ARHGAP9: variants seen among roughly 807,000 people sequenced by gnomAD.
ARHGAP9 encodes the protein rho GTPase-activating protein 9.
ARHGAP9 carries 76 observed loss-of-function variants against 87.3 expected under a neutral mutation model. The ratio of observed to expected loss-of-function variants is 0.87; its 90% CI spans 0.72 to 1.05. ARHGAP9 has a LOEUF of 1.05. Ranked by LOEUF, ARHGAP9 falls within the 50% of genes least tolerant of loss-of-function variation. The probability of loss-of-function intolerance (pLI) is 0.00; values close to 1 mark genes in which losing one functional copy is unlikely to be tolerated. For missense variants in ARHGAP9, 941 were observed against 960.5 expected, an observed-to-expected ratio of 0.98 and a Z score of 0.27; for synonymous variants, 382 against 394.9, an observed-to-expected ratio of 0.97 and a Z score of 0.39.
upstream of ARHGAP9, chr12:57,479,914 A>G (rs1874844206): frequency 3.5e-6 from 5 of 1,442,674 alleles, no homozygotes; most frequent in South Asian, 4.5e-5. Context: ...GCAAGCATCA[A>G]TGTTTCCGTT....
Position 57,477,671 on chromosome 12 carries a change from G to T in ARHGAP9, c.544C>A (p.Gln182Lys), listed in dbSNP as rs745728839. Residue 182 changes from glutamine to lysine, a missense_variant, in exon 4 of 18, where the codon CAG becomes AAG. Physicochemically the swap from Gln to Lys is moderately conservative, Grantham distance 53 (BLOSUM62 1). Transcript: ENST00000393791. ...SEASASTAGP[Q>K]PLMSEPPVYC... ...ACAGGGGGCTCTGACATGAGGGGCTGGGGGCCTGCCTGCCAGAAAAGGGGG... is the reference window on the plus strand; with the variant it reads ...ACAGGGGGCTCTGACATGAGGGGCTTGGGGCCTGCCTGCCAGAAAAGGGGG... 4.3e-6 allele frequency: 7 copies of T among 1,610,478 alleles called. No individual in the cohort carries two copies. In the South Asian group the frequency reaches 6.6e-5, roughly 15 times the overall value.
chr12:57,485,826 AG>A (rs1875355389), intron 1 of ARHGAP9, among the ~76,000 whole-genome samples: 3 of 152,148 alleles, frequency 2.0e-5, no homozygotes, highest in Admixed American at 2.0e-4. Flanking sequence ...GACCCTACCA[AG>A]GGTTACTTAA....
In ARHGAP9 at chr12:57,477,264, A is replaced by G. The variant is rs1565623360; in HGVS notation, c.762T>C (p.Pro254=). 8.3e-6 allele frequency: 13 copies of G among 1,567,534 alleles called. No individual in the cohort carries two copies. The highest frequency in any genetic ancestry group is 1.1e-5 in the Non-Finnish European group (13 of 1,156,902). The part of the protein sequence containing the change: ...PPRRSRSETN[P]GSMEGTQTLK... ...GGGTCTGTGTCCCCTCCATGGAGCCAGGGTTCTGGGTTAGGGGAGGAGGAA... is the reference window on the plus strand; with the variant it reads ...GGGTCTGTGTCCCCTCCATGGAGCCGGGGTTCTGGGTTAGGGGAGGAGGAA... Residue 254 remains proline, a synonymous_variant, in exon 5 of 18, where the codon CCT becomes CCC. Transcript: ENST00000393791.
intron 12 of ARHGAP9, 55 bp downstream of exon 12, chr12:57,475,236 T>C: frequency 6.6e-7 from 1 of 1,505,954 alleles, no homozygotes; most frequent in Non-Finnish European, 9.0e-7. Flanking sequence ...TGGGAAGCTC[T>C]ACTCTGAGCC....
chr12:57,486,456 GA>G (rs1002213358), intron 1 of ARHGAP9, among the ~76,000 whole-genome samples: 53 of 151,866 alleles, frequency 3.5e-4, no homozygotes, highest in African/African-American at 1.1e-3. Context: ...TTTCACTAAA[GA>G]AGGGGTTTCA....
upstream of ARHGAP9, among the ~76,000 whole-genome samples, chr12:57,484,273 AC>A (rs1374130223): frequency 2.0e-5 from 3 of 148,482 alleles, no homozygotes; most frequent in Non-Finnish European, 4.5e-5. Flanking sequence ...AATCGCTTGA[AC>A]CCGGGAGGTG....
upstream of ARHGAP9, among the ~76,000 whole-genome samples, chr12:57,482,246 T>A (rs1875068927): frequency 7.0e-6 from 1 of 143,034 alleles, no homozygotes; most frequent in Admixed American, 6.9e-5. Context: ...CAAAAAAAAT[T>A]TTTTTTTTTT....
intron 1 of ARHGAP9, chr12:57,487,965 T>G (rs1875560927): frequency 1.2e-5 from 9 of 748,980 alleles, no homozygotes; most frequent in South Asian, 9.5e-5. Flanking sequence ...ATAGTCTACT[T>G]TCCGGTAGCG....
upstream of ARHGAP9, among the ~76,000 whole-genome samples, chr12:57,481,396 G>A (rs914998614): frequency 3.9e-5 from 6 of 151,902 alleles, no homozygotes; most frequent in Non-Finnish European, 7.4e-5. Flanking sequence ...GATTAGAGGC[G>A]CCTGCCACTA....
upstream of ARHGAP9, among the ~76,000 whole-genome samples, chr12:57,483,648 T>G (rs534192603): frequency 3.3e-5 from 5 of 152,302 alleles, no homozygotes; most frequent in South Asian, 1.0e-3. Context: ...ATATGTTGTT[T>G]CCTTTGCCTG....
chr12:57,487,004 T>C (rs1208943692), intron 1 of ARHGAP9, among the ~76,000 whole-genome samples: 1 of 151,158 alleles, frequency 6.6e-6, no homozygotes, highest in Non-Finnish European at 1.5e-5. Context: ...CGAGACGGAG[T>C]TTCCTCTTGT....
In ARHGAP9 at chr12:57,475,386, T is replaced by G. The variant is rs148784244; in HGVS notation, c.1457A>C (p.Glu486Ala). 6.0e-5 allele frequency: 96 copies of G among 1,595,744 alleles called. No individual in the cohort carries two copies. The highest frequency in any genetic ancestry group is 1.8e-4 in the Middle Eastern group (1 of 5,674). ...SSRRSSIRGP[E>A]GTEQNRVRNK... ...GCGCACGCGGTTCTGCTCGGTGCCTTCGGGCCCCCGAACTGCAGGAGGCAG... is the reference window on the plus strand; with the variant it reads ...GCGCACGCGGTTCTGCTCGGTGCCTGCGGGCCCCCGAACTGCAGGAGGCAG... Residue 486 changes from glutamate (E) to alanine (A), a missense_variant, in exon 12 of 18, where the codon GAA (glutamate) becomes GCA (alanine). By Grantham distance (107) the Glu-to-Ala change is moderately radical (BLOSUM62 -1). Transcript: ENST00000393791.
chr12:57,484,595 T>C (rs1249268884), upstream of ARHGAP9, among the ~76,000 whole-genome samples: 1 of 152,178 alleles, frequency 6.6e-6, no homozygotes, highest in Non-Finnish European at 1.5e-5. Context: ...GTCATAACTT[T>C]ATGCCTCAGT....
intron 17 of ARHGAP9, 113 bp from the exon 18 acceptor site, chr12:57,472,801 A>T: frequency 1.7e-6 from 2 of 1,148,798 alleles, no homozygotes; most frequent in Non-Finnish European, 2.5e-6. Flanking sequence ...GGATTCCTCC[A>T]CATGGTAACA....
At chr12:57,476,815 AG>A (rs1555161175) in intron 6 of ARHGAP9, 55 bp downstream of exon 6, 5 of 866,474 alleles carry the variant, frequency 5.8e-6, no homozygotes, top group Non-Finnish European at 8.4e-6. Flanking sequence ...GAGCAGGAAA[AG>A]GGGGGAGGGG....
rs368157359 is a variant in ARHGAP9, at chr12:57,477,493, G to A, written c.722C>T (p.Ser241Phe). The A allele has an allele frequency of 1.5e-5, 25 of 1,613,982 alleles. No individual in the cohort carries two copies. The highest frequency in any genetic ancestry group is 2.1e-5 in the Non-Finnish European group (25 of 1,180,020). Reference protein sequence around the residue: ...FYINSLTGCKSWKPPRRSRSE... With the variant: ...FYINSLTGCKFWKPPRRSRSE... ...GCGACTGCGGCGCGGGGGCTTCCAG[G>A]ACTTGCAGCCAGTCAGTGAATTTAT... is the stretch of plus-strand genomic sequence containing the variant. Residue 241 changes from serine (S) to phenylalanine (F), a missense_variant, in exon 4 of 18, where the codon TCC becomes TTC. Ser to Phe is a radical substitution (Grantham distance 155). Transcript: ENST00000393791.
chr12:57,476,385 C>A lies in ARHGAP9; in HGVS notation c.1095G>T (p.Pro365=). Residue 365 remains proline, a synonymous_variant, in exon 8 of 18, where the codon CCG becomes CCT. Transcript: ENST00000393791. ...NSLVFYREPP[P]TAPSSGWGPA... The stretch of plus-strand genomic sequence containing the variant: ...TCACCCAGCCTGAGGAGGGCGCTGT[C>A]GGCGGTGGCTCTCGGTAGAACACCA... The A allele has an allele frequency of 6.2e-7, 1 of 1,613,972 alleles. No homozygotes were observed. The highest frequency in any genetic ancestry group is 1.1e-5 in the South Asian group (1 of 91,054).
chr12:57,486,917 A>G (rs925584943), intron 1 of ARHGAP9, among the ~76,000 whole-genome samples: 2 of 150,090 alleles, frequency 1.3e-5, no homozygotes, highest in African/African-American at 4.9e-5. Flanking sequence ...ATGCTCTTCT[A>G]CCCCTTTGAT....
intron 1 of ARHGAP9, chr12:57,488,164 G>C (rs1244393942): frequency 3.1e-6 from 5 of 1,614,182 alleles, no homozygotes; most frequent in Non-Finnish European, 4.2e-6. Flanking sequence ...GCCCGGGGCA[G>C]AGCAGAGGTG....
Sources: gnomAD v4.1 joint callset for allele counts (sites outside exome capture counted in the v4.1 genomes callset) on GRCh38, gnomAD v4.1.1 for gene constraint, MANE v1.5 for transcripts, NCBI Gene and HGNC (gene_info 2026-07-23, HGNC 2026-07-21) for gene names.